Variants in RANBP2 observed in about 807,000 individuals in gnomAD.
RANBP2 encodes the protein RAN binding protein 2, also known as E3 SUMO-protein ligase RanBP2.
Under a neutral mutation model 303.6 loss-of-function variants are expected in RANBP2, and 57 were observed. That is an observed-to-expected ratio of 0.19 (90% CI 0.15 to 0.23). The LOEUF is 0.23. Among genes scored for constraint, RANBP2 ranks in the 10% least tolerant of loss-of-function variants. RANBP2 has a pLI of 1.00. For synonymous variants in RANBP2, 1,167 were observed against 1,301.5 expected, an observed-to-expected ratio of 0.90 and a Z score of 2.23; for missense variants, 3,138 against 3,780.8, an observed-to-expected ratio of 0.83 and a Z score of 4.46.
At chr2:109,165,294 T>C in the RANBP2 span, among the ~76,000 whole-genome samples, 1 of 152,228 alleles carries the variant, frequency 6.6e-6, no homozygotes, top group Non-Finnish European at 1.5e-5. Flanking sequence ...CTGGTGCTAC[T>C]GGCAGGGCCA....
In RANBP2 at chr2:108,764,364, G is replaced by T. The variant is rs554150203; in HGVS notation, c.3825G>T (p.Leu1275Phe). 6.2e-7 allele frequency: 1 copy of T among 1,613,766 alleles called. No individual in the cohort carries two copies. The highest frequency in any genetic ancestry group is 1.1e-5 in the South Asian group (1 of 91,080). The change falls in exon 20 of 29, where the codon TTG (leucine) becomes TTT (phenylalanine). Residue 1275 changes from leucine (L) to phenylalanine (F), a missense_variant. By Grantham distance (22) the Leu-to-Phe change is conservative. Around this residue, in one of 20 missense-constraint regions of RANBP2, gnomAD observed 72 missense variants for 119.5 expected, o/e 0.60. Transcript: ENST00000283195. ...ATGCCCTTGATTATGCAGATGAGTT[G>T]CCAAAACCAGAACAACTTGCTATTA... ...VWHALDYADE[L>F]PKPEQLAIRF...
chr2:109,228,503 G>A, the RANBP2 span, among the ~76,000 whole-genome samples: 5 of 152,178 alleles, frequency 3.3e-5, no homozygotes, highest in Admixed American at 1.3e-4. Flanking sequence ...GATGCCAACT[G>A]GGTATTCAGT....
chr2:109,680,178 C>T, the RANBP2 span, among the ~76,000 whole-genome samples: 1 of 129,472 alleles, frequency 7.7e-6, no homozygotes, highest in East Asian at 2.2e-4. Context: ...ACTGTCTCTA[C>T]TAAAAATACA....
chr2:109,281,068 G>A, the RANBP2 span, among the ~76,000 whole-genome samples: 1 of 152,180 alleles, frequency 6.6e-6, no homozygotes, highest in Non-Finnish European at 1.5e-5. Context: ...CCATGACAGG[G>A]CCAGAGAGAG....
At chr2:108,732,659 C>T (rs1695258646) in intron 4 of RANBP2, among the ~76,000 whole-genome samples, 1 of 152,186 alleles carries the variant, frequency 6.6e-6, no homozygotes, top group Non-Finnish European at 1.5e-5. Flanking sequence ...CAGAACTACT[C>T]TATTACCACA....
the RANBP2 span, among the ~76,000 whole-genome samples, chr2:108,872,709 C>A: frequency 6.6e-6 from 1 of 152,126 alleles, no homozygotes; most frequent in African/African-American, 2.4e-5. Context: ...GCGGTGGAGC[C>A]TCATGGCCTT....
the RANBP2 span, among the ~76,000 whole-genome samples, chr2:109,307,072 C>G: frequency 6.6e-6 from 1 of 152,064 alleles, no homozygotes; most frequent in African/African-American, 2.4e-5. Context: ...TTTATTGATT[C>G]TTTGTGTAAT....
chr2:108,999,791 T>C, the RANBP2 span, among the ~76,000 whole-genome samples: 1 of 152,192 alleles, frequency 6.6e-6, no homozygotes, highest in Non-Finnish European at 1.5e-5. Context: ...TACAAAAACA[T>C]GGCGGGAGGA....
the RANBP2 span, among the ~76,000 whole-genome samples, chr2:109,443,144 G>C: frequency 6.6e-6 from 1 of 152,258 alleles, no homozygotes; most frequent in Non-Finnish European, 1.5e-5. Context: ...GCGTGCATGG[G>C]TGTGTACACA....
the RANBP2 span, among the ~76,000 whole-genome samples, chr2:109,531,873 A>G: frequency 6.6e-6 from 1 of 152,272 alleles, no homozygotes. Context: ...TTAATGCCCC[A>G]ACATCAGTGA....
the RANBP2 span, among the ~76,000 whole-genome samples, chr2:108,859,737 G>A: frequency 6.6e-6 from 1 of 151,920 alleles, no homozygotes; most frequent in African/African-American, 2.4e-5. Context: ...ATAACATGAT[G>A]CTTCCAGCTT....
chr2:108,980,558 G>A, the RANBP2 span, among the ~76,000 whole-genome samples: 2 of 152,114 alleles, frequency 1.3e-5, no homozygotes, highest in South Asian at 2.1e-4. Context: ...ACATGCATAT[G>A]TATAAGTCGT....
the RANBP2 span, among the ~76,000 whole-genome samples, chr2:109,539,843 T>C: frequency 3.9e-5 from 6 of 152,222 alleles, no homozygotes; most frequent in Non-Finnish European, 8.8e-5. Context: ...AGCATATGAT[T>C]GGGACTCATC....
the RANBP2 span, among the ~76,000 whole-genome samples, chr2:109,311,748 G>A: frequency 2.0e-5 from 3 of 151,354 alleles, no homozygotes; most frequent in African/African-American, 7.4e-5. Flanking sequence ...CTCTGAAAAG[G>A]GCGCTAATTT....
At chr2:108,812,481 C>T in the RANBP2 span, 2 of 599,842 alleles carry the variant, frequency 3.3e-6, no homozygotes, top group South Asian at 2.3e-5. Context: ...ACGACAACTT[C>T]AGTTGTGATC....
chr2:109,509,034 A>G, the RANBP2 span, among the ~76,000 whole-genome samples: 1 of 152,158 alleles, frequency 6.6e-6, no homozygotes, highest in Admixed American at 6.5e-5. Flanking sequence ...CAGCTTACCC[A>G]TTCCTGCCGG....
the RANBP2 span, among the ~76,000 whole-genome samples, chr2:109,174,398 G>A: frequency 6.6e-6 from 1 of 152,172 alleles, no homozygotes. Context: ...CATACCTCAT[G>A]CAGTTGGCAG....
chr2:109,604,357 A>AAGAAAGAAAGGAAAG, the RANBP2 span, among the ~76,000 whole-genome samples: 79 of 60,896 alleles, frequency 1.3e-3, 1 homozygote, highest in African/African-American at 4.9e-3. Context: ...AAGAAAGAAA[A>AAGAAAGAAAGGAAAG]AGAAAGAAAG....
At chr2:109,683,685 G>GA in the RANBP2 span, among the ~76,000 whole-genome samples, 1 of 151,972 alleles carries the variant, frequency 6.6e-6, no homozygotes, top group South Asian at 2.1e-4. Context: ...CTGTCTGGCT[G>GA]ACCTTGCAGG....
Sources: allele counts gnomAD v4.1 joint callset (sites outside exome capture counted in the v4.1 genomes callset), GRCh38; gene constraint gnomAD v4.1.1; regional missense constraint gnomAD v4.1.1; transcripts MANE v1.5; gene names NCBI Gene and HGNC (gene_info 2026-07-23, HGNC 2026-07-21).